Variants in SATB1 observed in about 807,000 individuals in gnomAD.
The protein encoded by SATB1 is DNA-binding protein SATB1.
A neutral mutation model predicts 86.9 loss-of-function variants in SATB1; 11 were observed. The observed-to-expected ratio is 0.13, with a 90% CI of 0.08 to 0.21. The LOEUF (loss-of-function observed/expected upper bound fraction) is 0.21, where lower values mean the gene tolerates loss of function less well. Among genes scored for constraint, SATB1 ranks in the 10% least tolerant of loss-of-function variants. SATB1 has a pLI of 1.00. For synonymous variants in SATB1, 357 were observed against 357.2 expected (o/e 1.00, Z 0.01); for missense variants, 551 against 937.6 (o/e 0.59, Z 5.39).
intron 4 of SATB1, 151 bp downstream of exon 4, chr3:18,415,856 A>T: frequency 1.8e-6 from 1 of 541,840 alleles, no homozygotes; most frequent in Admixed American, 3.3e-5. Flanking sequence ...TTAGGAAAAA[A>T]GGCAGAAGGA....
intron 5 of SATB1, among the ~76,000 whole-genome samples, chr3:18,407,249 G>A (rs999279156): frequency 6.6e-6 from 1 of 152,044 alleles, no homozygotes; most frequent in Admixed American, 6.6e-5. Flanking sequence ...TAAAGTATAA[G>A]CTGCAGTCTT....
chr3:18,411,594 A>G (rs529017471), intron 5 of SATB1, among the ~76,000 whole-genome samples: 5 of 152,104 alleles, frequency 3.3e-5, no homozygotes, highest in Admixed American at 3.3e-4. Flanking sequence ...CATATCCTCA[A>G]AAGTTTCATG....
In SATB1 at chr3:18,386,375, G is replaced by C. The variant is rs1012484504; in HGVS notation, c.1419+24C>G. The C allele has an allele frequency of 6.3e-7, 1 of 1,579,910 alleles. No homozygotes were observed. The highest frequency in any genetic ancestry group is 8.7e-7 in the Non-Finnish European group (1 of 1,152,506). On this transcript the variant is annotated intron_variant, in intron 8 of 10. Transcript: ENST00000338745. This position sits in a 1 kb window ranked among gnomAD's most constrained non-coding sequence, Gnocchi z 4.5. ...TTAAAAAAAAGCTAAACAAAGAAGG[G>C]CAAGGAGGAAAAGGAGACCGCACCT...
intron 1 of SATB1, among the ~76,000 whole-genome samples, chr3:18,438,048 C>A (rs1469775751): frequency 6.6e-6 from 1 of 152,146 alleles, no homozygotes; most frequent in Non-Finnish European, 1.5e-5. Context: ...ATATTCAAGA[C>A]TATCTCCATT....
exon 2 of SATB1, chr3:18,436,859 G>A (rs1699082554): frequency 6.6e-6 from 1 of 152,026 alleles, no homozygotes; most frequent in Admixed American, 6.6e-5. Context: ...GCCATATTAC[G>A]AGGTTACAAG....
At chr3:18,416,325 A>C (rs1210475266) in intron 3 of SATB1, among the ~76,000 whole-genome samples, 192 bp from the exon 4 acceptor site, 1 of 152,098 alleles carries the variant, frequency 6.6e-6, no homozygotes, top group Non-Finnish European at 1.5e-5. Flanking sequence ...TTGTAAAATT[A>C]TGTAAATGAC....
At chr3:18,366,425 A>G (rs1277616236) in intron 9 of SATB1, among the ~76,000 whole-genome samples, 1 of 149,694 alleles carries the variant, frequency 6.7e-6, no homozygotes, top group African/African-American at 2.5e-5. Context: ...TTAATGTGCC[A>G]GAAAAAAACT....
chr3:18,355,563 T>C (rs150784352), intron 9 of SATB1, among the ~76,000 whole-genome samples: 2 of 152,170 alleles, frequency 1.3e-5, no homozygotes, highest in East Asian at 3.9e-4. Context: ...CCCAAAGTAC[T>C]GTACTAGTTT....
intron 9 of SATB1, 106 bp downstream of exon 9, chr3:18,378,064 A>T: frequency 1.1e-6 from 1 of 896,048 alleles, no homozygotes; most frequent in Non-Finnish European, 1.6e-6. Flanking sequence ...CTAGACACAG[A>T]GGCCTCTCCG....
At chr3:18,407,161 C>T (rs1232308578) in intron 5 of SATB1, among the ~76,000 whole-genome samples, 1 of 152,014 alleles carries the variant, frequency 6.6e-6, no homozygotes, top group African/African-American at 2.4e-5. Context: ...TGGTAACAGT[C>T]CCATCAGGTA....
At chr3:18,425,375 G>A (rs926404321), upstream of SATB1, 1 of 155,056 alleles carries the variant, frequency 6.4e-6, no homozygotes, top group Non-Finnish European at 1.4e-5. Context: ...GAGGAGGAGG[G>A]GGGAGGAGAG....
intron 5 of SATB1, among the ~76,000 whole-genome samples, chr3:18,413,271 T>TA (rs1238956502): frequency 9.2e-5 from 14 of 152,080 alleles, no homozygotes; most frequent in Non-Finnish European, 1.9e-4. Context: ...TATAGTGAGG[T>TA]AGAGTTTATT....
intron 5 of SATB1, chr3:18,409,461 T>C (rs866913636): frequency 6.6e-6 from 1 of 152,040 alleles, no homozygotes; most frequent in South Asian, 2.1e-4. Context: ...TAGAATGATG[T>C]CATGACTTGT....
At position 18,386,847 on chromosome 3, in the gene SATB1, C is replaced by T. The variant is rs1223160138; in HGVS notation, c.1207-236G>A. Among the ~76,000 whole-genome samples, 1 of 152,200 alleles carries T rather than the reference C, an allele frequency of 6.6e-6. No homozygotes were observed. Among genetic ancestry groups the T allele is most frequent in the African/African-American group, 2.4e-5 (1 of 41,440 alleles). On this transcript the variant is annotated intron_variant, in intron 7 of 10. Transcript: ENST00000338745. The surrounding 1 kb of genome is among the most constrained non-coding windows in gnomAD (Gnocchi z 4.5). ...TAAACTGAAACTGCCTAATTGGTCT[C>T]CTTCCTTTGAGTAGCTTAACTTGCC...
chr3:18,357,730 T>C (rs1442258928), intron 9 of SATB1, among the ~76,000 whole-genome samples: 2 of 151,848 alleles, frequency 1.3e-5, no homozygotes, highest in Non-Finnish European at 2.9e-5. Context: ...ACCACCCCTT[T>C]TTCTGTCTGA....
At chr3:18,350,812 T>G (rs915999038) in intron 10 of SATB1, 7 of 155,112 alleles carry the variant, frequency 4.5e-5, no homozygotes, top group African/African-American at 1.7e-4. Flanking sequence ...GGTAGATAAA[T>G]AACTTTATTA....
chr3:18,406,539 A>G (rs1452436903), intron 5 of SATB1, among the ~76,000 whole-genome samples: 1 of 152,054 alleles, frequency 6.6e-6, no homozygotes, highest in Admixed American at 6.6e-5. Flanking sequence ...GAAAAATTTT[A>G]AAATTTAGAA....
rs942554533 is a variant in SATB1, at chr3:18,386,296, T to C, written c.1419+103A>G. The C allele has an allele frequency of 2.2e-6, 2 of 902,762 alleles. No homozygotes were observed. The highest frequency in any genetic ancestry group is 3.3e-5 in the African/African-American group (2 of 59,750). The allele number at this position is 902,762 out of a possible 1,614,324, so 55.9% of individuals were successfully genotyped here. A position where few individuals can be genotyped will look rare whatever the true frequency, so the allele number is the denominator to read the frequency against. Reference sequence around the variant, plus strand: ...AAGCAACTATACGAATTTAAAAACATATAAATCTATGTATCTATCTATCTA... The same window carrying C: ...AAGCAACTATACGAATTTAAAAACACATAAATCTATGTATCTATCTATCTA... On this transcript the variant is annotated intron_variant, in intron 8 of 10. Transcript: ENST00000338745. The surrounding 1 kb of genome is among the most constrained non-coding windows in gnomAD (Gnocchi z 4.5).
chr3:18,411,045 T>C, intron 5 of SATB1: 1 of 394,974 alleles, frequency 2.5e-6, no homozygotes, highest in Non-Finnish European at 4.5e-6. Flanking sequence ...ATATTTGAGA[T>C]CTCAGGATGC....
Sources: allele counts gnomAD v4.1 joint callset (sites outside exome capture counted in the v4.1 genomes callset), GRCh38; gene constraint gnomAD v4.1.1; non-coding constraint Gnocchi (gnomAD v3.1); transcripts MANE v1.5; gene names NCBI Gene and HGNC (gene_info 2026-07-23, HGNC 2026-07-21).